The following CDKAL1 variants were observed in gnomAD, a reference collection of about 807,000 sequenced individuals.
CDKAL1 encodes threonylcarbamoyladenosine tRNA methylthiotransferase.
CDKAL1 carries 32 observed loss-of-function variants against 68.2 expected under a neutral mutation model. That is an observed-to-expected ratio of 0.47 (90% CI 0.35 to 0.63). The LOEUF is 0.63. Among genes scored for constraint, CDKAL1 ranks in the 30% least tolerant of loss-of-function variants. CDKAL1 has a pLI of 0.00. For missense variants in CDKAL1, 606 were observed against 696.7 expected (o/e 0.87, Z 1.47); for synonymous variants, 234 against 244.3 (o/e 0.96, Z 0.39).
intron 10 of CDKAL1, among the ~76,000 whole-genome samples, chr6:20,993,072 G>C (rs1356083860): frequency 6.6e-6 from 1 of 152,124 alleles, no homozygotes; most frequent in Non-Finnish European, 1.5e-5. Flanking sequence ...ACTAGTGGTT[G>C]TTTTAGAGCT....
intron 11 of CDKAL1, among the ~76,000 whole-genome samples, chr6:21,040,529 A>G (rs946066077): frequency 6.6e-6 from 1 of 152,188 alleles, no homozygotes; most frequent in Non-Finnish European, 1.5e-5. Flanking sequence ...ACTAGCTACA[A>G]TTAATACTTA....
At chr6:20,951,689 A>C (rs1343369390) in intron 9 of CDKAL1, among the ~76,000 whole-genome samples, 2 of 152,154 alleles carry the variant, frequency 1.3e-5, no homozygotes, top group Non-Finnish European at 2.9e-5. Flanking sequence ...AGGATGGTGG[A>C]CGATCTGATG....
chr6:20,568,293 C>T (rs905138737), intron 4 of CDKAL1, among the ~76,000 whole-genome samples: 4 of 150,700 alleles, frequency 2.7e-5, no homozygotes, highest in Non-Finnish European at 5.9e-5. Context: ...TGTTGGGATT[C>T]CAGGCGTAAG....
intron 4 of CDKAL1, among the ~76,000 whole-genome samples, chr6:20,624,579 G>A (rs549154766): frequency 1.3e-5 from 2 of 151,948 alleles, no homozygotes; most frequent in Admixed American, 6.6e-5. Flanking sequence ...ACCACCATGA[G>A]CCCCACAAAC....
intron 8 of CDKAL1, among the ~76,000 whole-genome samples, chr6:20,841,964 A>G (rs910718458): frequency 1.3e-5 from 2 of 152,228 alleles, no homozygotes; most frequent in Admixed American, 6.5e-5. Flanking sequence ...GTAGTTCAAC[A>G]GCCATCTCAT....
chr6:21,056,578 G>A (rs1251612834), intron 11 of CDKAL1, among the ~76,000 whole-genome samples: 1 of 152,196 alleles, frequency 6.6e-6, no homozygotes, highest in Non-Finnish European at 1.5e-5. Flanking sequence ...GGAGTAGCGA[G>A]AGAGGGCATC....
At chr6:21,160,270 G>A (rs1456415348) in intron 13 of CDKAL1, among the ~76,000 whole-genome samples, 2 of 151,770 alleles carry the variant, frequency 1.3e-5, no homozygotes, top group African/African-American at 4.8e-5. Context: ...TGTTGTTTTC[G>A]AATGGGAAAT....
At chr6:20,613,610 A>G (rs1444553279) in intron 4 of CDKAL1, among the ~76,000 whole-genome samples, 1 of 149,504 alleles carries the variant, frequency 6.7e-6, no homozygotes, top group African/African-American at 2.4e-5. Flanking sequence ...TTGAAGTAGT[A>G]GTATATTCCA....
intron 11 of CDKAL1, among the ~76,000 whole-genome samples, chr6:21,024,341 A>C (rs762814422): frequency 2.0e-5 from 3 of 152,152 alleles, no homozygotes; most frequent in Non-Finnish European, 4.4e-5. Context: ...TAAGAGGTTA[A>C]GATTTTTAAA....
chr6:20,876,021 C>G (rs1477405716), intron 9 of CDKAL1, among the ~76,000 whole-genome samples: 3 of 152,204 alleles, frequency 2.0e-5, no homozygotes, highest in Non-Finnish European at 4.4e-5. Flanking sequence ...AAAGGCTAAA[C>G]TTACATGTTA....
intron 6 of CDKAL1, among the ~76,000 whole-genome samples, chr6:20,752,488 C>T (rs962666615): frequency 6.6e-6 from 1 of 152,134 alleles, no homozygotes; most frequent in Non-Finnish European, 1.5e-5. Context: ...TGTGCATGCA[C>T]ACATGTACAC....
intron 11 of CDKAL1, among the ~76,000 whole-genome samples, chr6:21,008,762 G>T (rs7750903): frequency 0.33 from 50,537 of 152,016 alleles, 9,509 homozygotes; most frequent in African/African-American, 0.51. Context: ...GGACTCAAGA[G>T]TAAGAAGCAG....
chr6:20,891,408 C>T (rs1761386711), intron 9 of CDKAL1, among the ~76,000 whole-genome samples: 2 of 152,162 alleles, frequency 1.3e-5, no homozygotes, highest in Admixed American at 6.5e-5. Flanking sequence ...ATAACACTCC[C>T]CCTGGAGTGC....
chr6:20,682,333 T>A (rs1357374497), intron 5 of CDKAL1, among the ~76,000 whole-genome samples: 2 of 152,196 alleles, frequency 1.3e-5, no homozygotes, highest in African/African-American at 4.8e-5. Context: ...AACATCAGCC[T>A]GTATTAGTCT....
intron 13 of CDKAL1, among the ~76,000 whole-genome samples, chr6:21,129,575 G>A (rs1430148186): frequency 2.7e-5 from 4 of 149,544 alleles, no homozygotes; most frequent in Admixed American, 2.0e-4. Context: ...TTGCTTCGAT[G>A]TGTGTAGACT....
intron 5 of CDKAL1, among the ~76,000 whole-genome samples, chr6:20,667,787 T>A (rs1011095946): frequency 2.0e-5 from 3 of 152,164 alleles, no homozygotes; most frequent in Non-Finnish European, 2.9e-5. Flanking sequence ...CATTTTAGAC[T>A]AATAGCAAAA....
rs571215761 is a variant in CDKAL1, at chr6:20,617,465, C to T, written c.287-31828C>T. Reference sequence around the variant, plus strand: ...TAAGTTCTAGGGTACATGTGCACAACGTGCAGGTTTGTTACATAGATATAC... The same window carrying T: ...TAAGTTCTAGGGTACATGTGCACAATGTGCAGGTTTGTTACATAGATATAC... On this transcript the variant is annotated intron_variant, in intron 4 of 15. Transcript: ENST00000274695. 1.8e-4 allele frequency among the ~76,000 whole-genome samples: 28 copies of T among 152,188 alleles called. No homozygotes were observed. In the East Asian group the frequency reaches 2.9e-3, roughly 16 times the overall value.
At chr6:20,968,621 G>T (rs182068603) in intron 10 of CDKAL1, among the ~76,000 whole-genome samples, 1 of 152,034 alleles carries the variant, frequency 6.6e-6, no homozygotes, top group East Asian at 1.9e-4. Flanking sequence ...CCCCCATCAA[G>T]TCATCTGAAT....
At chr6:21,210,234 G>C (rs1009440235) in intron 15 of CDKAL1, among the ~76,000 whole-genome samples, 1 of 152,188 alleles carries the variant, frequency 6.6e-6, no homozygotes, top group African/African-American at 2.4e-5. Context: ...TAGTTGGGAA[G>C]AGAAGATATG....
Sources: allele counts gnomAD v4.1 joint callset (sites outside exome capture counted in the v4.1 genomes callset), GRCh38; gene constraint gnomAD v4.1.1; transcripts MANE v1.5; gene names NCBI Gene and HGNC (gene_info 2026-07-23, HGNC 2026-07-21).